Variants in LAMC2 observed in about 807,000 individuals in gnomAD.
The protein encoded by LAMC2 is laminin subunit gamma-2.
Under a neutral mutation model 140.2 loss-of-function variants are expected in LAMC2, and 97 were observed. The ratio of observed to expected loss-of-function variants is 0.69; its 90% CI spans 0.59 to 0.82. LAMC2 has a LOEUF of 0.82. LAMC2 is among the 40% of genes least tolerant of loss of function. The probability of loss-of-function intolerance (pLI) is 0.00; values close to 1 mark genes in which losing one functional copy is unlikely to be tolerated. For synonymous variants in LAMC2, 513 were observed against 540.2 expected, an observed-to-expected ratio of 0.95 and a Z score of 0.70; for missense variants, 1,402 against 1,476.1, an observed-to-expected ratio of 0.95 and a Z score of 0.82.
chr1:183,241,344 G>A, intron 22 of LAMC2: 1 of 984,822 alleles, frequency 1.0e-6, no homozygotes, highest in Non-Finnish European at 1.2e-6. Context: ...ACCAGTGGGA[G>A]GAACTTGAGC....
At chr1:183,227,837 A>G in intron 10 of LAMC2, 140 bp downstream of exon 10, 1 of 791,440 alleles carries the variant, frequency 1.3e-6, no homozygotes, top group South Asian at 1.5e-5. Context: ...TCTAAAGATA[A>G]TATCTTAAAG....
Position 183,238,287 on chromosome 1 carries a change from TTCTA to T in LAMC2, c.2755-16_2755-13del. ...CAGGAATGTACTTCCTCTAATCTTG[TTCTA>T]TCTGCCTTTTTACAGAAATCAGATC... On this transcript the variant is annotated splice_polypyrimidine_tract_variant and intron_variant, in intron 18 of 22. Coordinates refer to ENST00000264144, the MANE Select transcript of LAMC2 (RefSeq NM_005562.3). 2 of 1,579,900 alleles carry T rather than the reference TTCTA, an allele frequency of 1.3e-6. No homozygotes were observed. The highest frequency in any genetic ancestry group is 2.2e-5 in the South Asian group (2 of 90,408).
chr1:183,233,602 ATGTT>A (rs1421558576), intron 14 of LAMC2, among the ~76,000 whole-genome samples: 2 of 152,210 alleles, frequency 1.3e-5, no homozygotes, highest in Non-Finnish European at 2.9e-5. Context: ...TATTACAGAA[ATGTT>A]TGTTGTAGAA....
chr1:183,245,291 G>C (rs3768592), downstream of LAMC2, among the ~76,000 whole-genome samples: 1 of 152,148 alleles, frequency 6.6e-6, no homozygotes, highest in Non-Finnish European at 1.5e-5. Flanking sequence ...CTACGCAAGC[G>C]GCTGAGGAAA....
At chr1:183,191,682 AC>A (rs1658339210) in intron 1 of LAMC2, among the ~76,000 whole-genome samples, 1 of 151,940 alleles carries the variant, frequency 6.6e-6, no homozygotes, top group African/African-American at 2.4e-5. Context: ...ACATGGTGAA[AC>A]CCTGTCTCTA....
chr1:183,186,276 A>G lies in LAMC2; in HGVS notation c.-77A>G. On this transcript the variant is annotated 5_prime_UTR_variant, in exon 1 of 23. Transcript: ENST00000264144. ...GGAAAAGGAAGGCACAGCGGAGCGC[A>G]GAGTGAGAACCACCAACCGAGGCGC... 3.3e-6 allele frequency: 5 copies of G among 1,532,684 alleles called. No homozygotes were observed. In the South Asian group the frequency reaches 4.8e-5, roughly 15 times the overall value. The allele number at this position is 1,532,684 out of a possible 1,614,324, so 94.9% of individuals were successfully genotyped here. A position where few individuals can be genotyped will look rare whatever the true frequency, so the allele number is the denominator to read the frequency against.
chr1:183,245,545 C>T (rs989899810), downstream of LAMC2, among the ~76,000 whole-genome samples: 2 of 152,150 alleles, frequency 1.3e-5, no homozygotes, highest in Non-Finnish European at 2.9e-5. Context: ...TGGTTGTCAC[C>T]AGCTGATGGA....
In LAMC2 at chr1:183,226,888, A is replaced by G; in HGVS notation, c.1257A>G (p.Gln419=). 1.9e-6 allele frequency: 3 copies of G among 1,614,094 alleles called. No individual in the cohort carries two copies. Among genetic ancestry groups the G allele is most frequent in the Non-Finnish European group, 2.5e-6 (3 of 1,179,980 alleles). The change falls in exon 9 of 23, where the codon CAA becomes CAG. Residue 419 remains glutamine (Q), a synonymous_variant. Coordinates refer to ENST00000264144, the MANE Select transcript of LAMC2 (RefSeq NM_005562.3). ...PFGTCIPCNC[Q]GGGACDPDTG... is the part of the protein sequence containing the mutation. ...GCACCTGTATTCCTTGTAACTGTCA[A>G]GGGGGAGGGGCCTGTGATCCAGACA...
rs769816728 is a variant in LAMC2, at chr1:183,218,419, G to A, written c.434G>A (p.Gly145Asp). ...TCCAAGTGTGACTGTGACCCAGCTG[G>A]CATCGCAGGGCCCTGTGACGCGGGC... is the stretch of plus-strand genomic sequence containing the variant. ...LDSKCDCDPA[G>D]IAGPCDAGRC... The change falls in exon 4 of 23, where the codon GGC (glycine) becomes GAC (aspartate). Residue 145 changes from glycine (G) to aspartate (D), a missense_variant. Physicochemically the swap from Gly to Asp is moderately conservative, Grantham distance 94 (BLOSUM62 -1). This residue lies in a region of LAMC2 where 723 missense variants were observed against 783.3 expected (regional missense o/e 0.92). Coordinates refer to ENST00000264144, the MANE Select transcript of LAMC2 (RefSeq NM_005562.3). 1 of 1,614,098 alleles carries A rather than the reference G, an allele frequency of 6.2e-7. No homozygotes were observed. Among genetic ancestry groups the A allele is most frequent in the Non-Finnish European group, 8.5e-7 (1 of 1,179,998 alleles).
rs1195222608 is a variant in LAMC2 at position 183,223,336 on chromosome 1, G to A, written c.953+12G>A. 2 of 1,613,204 alleles carry A rather than the reference G, an allele frequency of 1.2e-6. No homozygotes were observed. Among genetic ancestry groups the A allele is most frequent in the Admixed American group, 3.3e-5 (2 of 60,008 alleles). On this transcript the variant is annotated intron_variant, in intron 7 of 22. Transcript: ENST00000264144. ...ACTTACACATTCAGGTAAAAAGAGA[G>A]ACCATAAGTAGGTCAATTAGAGCAA...
intron 1 of LAMC2, among the ~76,000 whole-genome samples, chr1:183,202,695 C>A (rs1158494749): frequency 6.6e-6 from 1 of 152,234 alleles, no homozygotes; most frequent in East Asian, 1.9e-4. Context: ...TACTTCCCAA[C>A]TTCCTATGCC....
chr1:183,207,445 C>T (rs1266802716), intron 1 of LAMC2, among the ~76,000 whole-genome samples: 2 of 152,194 alleles, frequency 1.3e-5, no homozygotes, highest in Non-Finnish European at 2.9e-5. Context: ...GCGACACCAT[C>T]GGCTAATAGC....
chr1:183,238,473 A>C, intron 19 of LAMC2, 52 bp downstream of exon 19: 1 of 1,178,718 alleles, frequency 8.5e-7, no homozygotes, highest in Non-Finnish European at 1.3e-6. Flanking sequence ...TATAGTCATG[A>C]CCAATTTCCT....
the LAMC2 span, chr1:183,252,793 T>A: frequency 7.4e-7 from 1 of 1,354,548 alleles, no homozygotes; most frequent in Non-Finnish European, 1.1e-6. Flanking sequence ...CCAAAGCAAG[T>A]CAGGAGGACT....
chr1:183,190,761 T>A (rs1658306789), intron 1 of LAMC2, among the ~76,000 whole-genome samples: 1 of 152,206 alleles, frequency 6.6e-6, no homozygotes, highest in African/African-American at 2.4e-5. Flanking sequence ...ATATTATACT[T>A]AGAAGTGTTG....
rs751532914 is a variant in LAMC2 at position 183,186,340 on chromosome 1, G to C, written c.-13G>C. The stretch of plus-strand genomic sequence containing the variant: ...CTGCAGCGGAGACAGAGACTGAGCG[G>C]CCCGGCCCCGCCATGCCTGCGCTCT... On this transcript the variant is annotated 5_prime_UTR_variant, in exon 1 of 23. Transcript: ENST00000264144. 4.3e-5 allele frequency: 69 copies of C among 1,587,892 alleles called. No homozygotes were observed. In the African/African-American group the frequency reaches 8.4e-4, roughly 19 times the overall value.
At chr1:183,186,877 A>C (rs1041824453) in intron 1 of LAMC2, among the ~76,000 whole-genome samples, 24 of 152,194 alleles carry the variant, frequency 1.6e-4, no homozygotes, top group African/African-American at 5.5e-4. Context: ...CAAATTTCGG[A>C]TGGAAAAATG....
intron 8 of LAMC2, 71 bp from the exon 9 acceptor site, chr1:183,226,627 C>A: frequency 1.5e-6 from 2 of 1,326,228 alleles, no homozygotes; most frequent in Non-Finnish European, 1.1e-6. Flanking sequence ...AAATAAAATC[C>A]CAAGAGAGAT....
At position 183,232,266 on chromosome 1, in the gene LAMC2, A is replaced by T. The variant is rs769280546; in HGVS notation, c.1937A>T (p.Asp646Val). Residue 646 changes from aspartate to valine, a missense_variant, in exon 13 of 23, where the codon GAT (aspartate) becomes GTT (valine). Transcript: ENST00000264144. ...KAQGGDGVVP[D>V]TELEGRMQQA... is the part of the protein sequence containing the mutation. ...CAGGGTGGTGATGGAGTAGTACCTG[A>T]TACAGAGCTGGAAGGCAGGATGCAG... 1.2e-6 allele frequency: 2 copies of T among 1,613,956 alleles called. No homozygotes were observed. Among genetic ancestry groups the T allele is most frequent in the East Asian group, 4.5e-5 (2 of 44,886 alleles).
Sources: allele counts gnomAD v4.1 joint callset (sites outside exome capture counted in the v4.1 genomes callset), GRCh38; gene constraint gnomAD v4.1.1; regional missense constraint gnomAD v4.1.1; transcripts MANE v1.5; gene names NCBI Gene and HGNC (gene_info 2026-07-23, HGNC 2026-07-21).